Variants in DLG2 observed in about 807,000 individuals in gnomAD.
DLG2 encodes disks large homolog 2.
A neutral mutation model predicts 132.5 loss-of-function variants in DLG2; 45 were observed. The observed-to-expected ratio is 0.34, with a 90% CI of 0.27 to 0.44. DLG2 has a LOEUF of 0.44. Ranked by LOEUF, DLG2 falls within the 20% of genes least tolerant of loss-of-function variation. The pLI is 1.00. For synonymous variants in DLG2, 424 were observed against 419.6 expected (o/e 1.01, Z -0.13); for missense variants, 1,045 against 1,196.9 (o/e 0.87, Z 1.87).
intron 6 of DLG2, among the ~76,000 whole-genome samples, chr11:84,916,056 A>G (rs2092433739): frequency 1.3e-5 from 2 of 152,014 alleles, no homozygotes; most frequent in South Asian, 2.1e-4. Context: ...TCAGAGGATT[A>G]AGAAGCAGGC....
chr11:83,996,424 A>G (rs1002353379), intron 11 of DLG2, among the ~76,000 whole-genome samples: 7 of 152,194 alleles, frequency 4.6e-5, no homozygotes, highest in East Asian at 1.9e-4. Context: ...CATTCCTCAG[A>G]AAACTAAAAA....
chr11:83,725,153 T>C (rs898773973), intron 18 of DLG2: 1 of 469,996 alleles, frequency 2.1e-6, no homozygotes. Context: ...TTTCCAGATG[T>C]TGGCTATCTC....
At chr11:84,876,045 C>T (rs2086295897) in intron 6 of DLG2, among the ~76,000 whole-genome samples, 1 of 152,024 alleles carries the variant, frequency 6.6e-6, no homozygotes, top group African/African-American at 2.4e-5. Flanking sequence ...GCCTTTCTTC[C>T]CCTTTTCACT....
At chr11:85,424,789 C>T (rs1037763804) in intron 3 of DLG2, among the ~76,000 whole-genome samples, 1 of 152,072 alleles carries the variant, frequency 6.6e-6, no homozygotes, top group Non-Finnish European at 1.5e-5. Context: ...TCTACAATGA[C>T]AATGTGAGGA....
intron 4 of DLG2, among the ~76,000 whole-genome samples, chr11:85,217,201 A>C (rs1191254480): frequency 6.6e-6 from 1 of 152,058 alleles, no homozygotes; most frequent in East Asian, 1.9e-4. Flanking sequence ...TATGATATGA[A>C]CTCAAACTCA....
intron 6 of DLG2, among the ~76,000 whole-genome samples, chr11:84,821,990 C>T (rs10898302): frequency 0.86 from 130,549 of 151,746 alleles, 57,699 homozygotes; most frequent in Middle Eastern, 0.98. Context: ...CTGCCAAATG[C>T]TATTGTTATT....
At chr11:84,519,165 C>A (rs2099285123) in intron 7 of DLG2, among the ~76,000 whole-genome samples, 1 of 152,038 alleles carries the variant, frequency 6.6e-6, no homozygotes, top group Non-Finnish European at 1.5e-5. Flanking sequence ...GGTACAGAGA[C>A]AAGAAGAAGA....
At chr11:84,296,721 C>T (rs2098093434) in intron 7 of DLG2, among the ~76,000 whole-genome samples, 1 of 151,916 alleles carries the variant, frequency 6.6e-6, no homozygotes, top group Admixed American at 6.6e-5. Flanking sequence ...ATTACCATGC[C>T]CAGCTGTACT....
At chr11:85,145,916 T>C (rs2076807068) in intron 5 of DLG2, among the ~76,000 whole-genome samples, 1 of 152,144 alleles carries the variant, frequency 6.6e-6, no homozygotes. Context: ...TCTGGGTATT[T>C]AGAAGTTAGG....
At chr11:85,234,120 AG>A (rs1214512532) in intron 4 of DLG2, among the ~76,000 whole-genome samples, 1 of 151,946 alleles carries the variant, frequency 6.6e-6, no homozygotes, top group African/African-American at 2.4e-5. Context: ...ACCCTCTAGT[AG>A]GGGAAACAGA....
At chr11:84,138,978 T>C (rs1358109055) in intron 9 of DLG2, among the ~76,000 whole-genome samples, 4 of 149,904 alleles carry the variant, frequency 2.7e-5, no homozygotes, top group African/African-American at 9.8e-5. Context: ...AAATTCACTT[T>C]AACAACTGGC....
intron 6 of DLG2, among the ~76,000 whole-genome samples, chr11:84,943,527 G>A (rs899185730): frequency 1.3e-5 from 2 of 152,006 alleles, no homozygotes; most frequent in Non-Finnish European, 2.9e-5. Context: ...GGTTACTAAT[G>A]AGGTTTGCAA....
chr11:85,079,404 T>C (rs1424813364), intron 6 of DLG2, among the ~76,000 whole-genome samples: 1 of 151,898 alleles, frequency 6.6e-6, no homozygotes, highest in African/African-American at 2.4e-5. Context: ...CATCATGGCC[T>C]GAACTCATGT....
intron 6 of DLG2, among the ~76,000 whole-genome samples, chr11:84,666,434 C>T (rs2099699849): frequency 6.6e-6 from 1 of 151,972 alleles, no homozygotes; most frequent in Non-Finnish European, 1.5e-5. Context: ...TCATGAATTC[C>T]AATTCATTAT....
At chr11:84,683,553 A>G (rs1049943119) in intron 6 of DLG2, among the ~76,000 whole-genome samples, 5 of 152,154 alleles carry the variant, frequency 3.3e-5, no homozygotes, top group African/African-American at 1.2e-4. Context: ...ACCAGCCTCC[A>G]AGAAACAGGG....
intron 3 of DLG2, among the ~76,000 whole-genome samples, chr11:85,462,325 C>T (rs1597534317): frequency 1.3e-5 from 2 of 152,292 alleles, no homozygotes; most frequent in Admixed American, 1.3e-4. Context: ...GATTATAAAT[C>T]ATGCTGCTAT....
intron 18 of DLG2, among the ~76,000 whole-genome samples, chr11:83,654,240 G>A (rs1266095402): frequency 1.3e-5 from 2 of 152,200 alleles, no homozygotes; most frequent in South Asian, 2.1e-4. Flanking sequence ...CTGTCATGGA[G>A]CTACATTAGG....
chr11:84,060,222 G>C (rs1050492497), intron 10 of DLG2, among the ~76,000 whole-genome samples: 1 of 152,108 alleles, frequency 6.6e-6, no homozygotes, highest in African/African-American at 2.4e-5. Context: ...TGAGAAAAGA[G>C]AATTGCTTGA....
chr11:85,229,296 GA>G (rs1306364943), intron 4 of DLG2, among the ~76,000 whole-genome samples: 18 of 150,566 alleles, frequency 1.2e-4, no homozygotes, highest in African/African-American at 4.4e-4. Flanking sequence ...AAATTTACAA[GA>G]AAAAAAACCA....
Sources: gnomAD v4.1 joint callset for allele counts (sites outside exome capture counted in the v4.1 genomes callset) on GRCh38, gnomAD v4.1.1 for gene constraint, MANE v1.5 for transcripts, NCBI Gene and HGNC (gene_info 2026-07-23, HGNC 2026-07-21) for gene names.